The following PRUNE2 variants were observed in gnomAD, a reference collection of about 807,000 sequenced individuals.
The protein encoded by PRUNE2 is protein prune homolog 2.
A neutral mutation model predicts 252.0 loss-of-function variants in PRUNE2; 164 were observed. That is an observed-to-expected ratio of 0.65 (90% CI 0.57 to 0.74). The LOEUF (loss-of-function observed/expected upper bound fraction) is 0.74, where lower values mean the gene tolerates loss of function less well. PRUNE2 is among the 30% of genes least tolerant of loss of function. The pLI is 0.00. For synonymous variants in PRUNE2, 1,292 were observed against 1,350.2 expected (o/e 0.96, Z 0.94); for missense variants, 3,495 against 3,711.0 (o/e 0.94, Z 1.51).
At chr9:76,847,323 C>A (rs2059721272) in intron 3 of PRUNE2, among the ~76,000 whole-genome samples, 2 of 146,108 alleles carry the variant, frequency 1.4e-5, no homozygotes, top group Non-Finnish European at 3.0e-5. Flanking sequence ...GAGAATCTGT[C>A]TCAGGGAAAA....
chr9:76,855,430 T>A (rs1415628936), intron 1 of PRUNE2, among the ~76,000 whole-genome samples: 1 of 150,518 alleles, frequency 6.6e-6, no homozygotes, highest in Non-Finnish European at 1.5e-5. Flanking sequence ...CATGACTATT[T>A]TAATTAAAAA....
chr9:76,652,152 A>G (rs1031851237), intron 11 of PRUNE2: 3 of 200,650 alleles, frequency 1.5e-5, no homozygotes, highest in Middle Eastern at 1.8e-3. Flanking sequence ...TTCAAATTTT[A>G]TCGTCCTGAT....
At chr9:76,825,807 T>C (rs2058313942) in intron 5 of PRUNE2, among the ~76,000 whole-genome samples, 1 of 152,226 alleles carries the variant, frequency 6.6e-6, no homozygotes, top group African/African-American at 2.4e-5. Flanking sequence ...CAGTGAATTA[T>C]AGCCTTTTGT....
In PRUNE2 at chr9:76,705,754, G is replaced by C. The variant is rs753943897; in HGVS notation, c.6520C>G (p.Gln2174Glu). ...TGAGAGGAGCCCTTTATGTCTGCTT[G>C]ATAGCCAATTGGAGGCAGCACAGTT... ...NATVLPPIGY[Q>E]ADIKGSSQPA... The change falls in exon 8 of 19, where the codon CAA (glutamine) becomes GAA (glutamate). Residue 2174 changes from glutamine to glutamate, a missense_variant. Transcript: ENST00000376718. 37 of 1,613,874 alleles carry C rather than the reference G, an allele frequency of 2.3e-5. No individual in the cohort carries two copies. Among genetic ancestry groups the C allele is most frequent in the Non-Finnish European group, 3.1e-5 (37 of 1,179,902 alleles).
intron 16 of PRUNE2, among the ~76,000 whole-genome samples, chr9:76,628,377 T>C (rs1835888745): frequency 6.6e-6 from 1 of 152,174 alleles, no homozygotes; most frequent in Non-Finnish European, 1.5e-5. Flanking sequence ...CCTCACCACC[T>C]CACCCACCAC....
At chr9:76,663,989 A>G (rs182801468) in intron 9 of PRUNE2, among the ~76,000 whole-genome samples, 1 of 152,190 alleles carries the variant, frequency 6.6e-6, no homozygotes, top group East Asian at 1.9e-4. Flanking sequence ...CTAATCCCAC[A>G]TCTTCCTCTA....
intron 6 of PRUNE2, among the ~76,000 whole-genome samples, chr9:76,777,104 A>C (rs73460272): frequency 0.038 from 5,842 of 151,982 alleles, 390 homozygotes; most frequent in African/African-American, 0.13. Flanking sequence ...TTGAGGTTGT[A>C]TATTGCTGAG....
intron 6 of PRUNE2, chr9:76,764,380 T>C (rs2052099038): frequency 6.6e-6 from 1 of 152,264 alleles, no homozygotes; most frequent in Non-Finnish European, 1.5e-5. Context: ...GGGTTGGCAT[T>C]CTTGCATGAT....
chr9:76,876,532 C>G lies in PRUNE2; in HGVS notation c.37-22324G>C, dbSNP rs187081524. ...TTCTCTTTCTTTCCCTTGACCTATT[C>G]CCTCTTTCTGTGCTACTCGGGGCTC... is the stretch of plus-strand genomic sequence containing the variant. On this transcript the variant is annotated intron_variant, in intron 1 of 18. Coordinates refer to ENST00000376718, the MANE Select transcript of PRUNE2 (RefSeq NM_015225.3). 4.6e-5 allele frequency among the ~76,000 whole-genome samples: 7 copies of G among 152,246 alleles called. No homozygotes were observed. The East Asian group carries it at 1.2e-3, about 25-fold the overall frequency.
intron 18 of PRUNE2, among the ~76,000 whole-genome samples, chr9:76,615,596 TAA>T (rs1829075476): frequency 6.6e-6 from 1 of 152,174 alleles, no homozygotes; most frequent in Non-Finnish European, 1.5e-5. Context: ...CCACCTTCTC[TAA>T]GTTTCCATTT....
At chr9:76,731,057 G>C (rs1345993296) in intron 6 of PRUNE2, among the ~76,000 whole-genome samples, 1 of 152,152 alleles carries the variant, frequency 6.6e-6, no homozygotes, top group Non-Finnish European at 1.5e-5. Context: ...ATTTCACACT[G>C]AGAATATGGC....
chr9:76,761,884 G>C (rs2051766697), intron 6 of PRUNE2, among the ~76,000 whole-genome samples: 1 of 152,010 alleles, frequency 6.6e-6, no homozygotes, highest in South Asian at 2.1e-4. Flanking sequence ...TTGGTTATAG[G>C]TACAATTTTT....
At chr9:76,757,658 G>A (rs1834333) in intron 6 of PRUNE2, among the ~76,000 whole-genome samples, 89,964 of 151,950 alleles carry the variant, frequency 0.59, 26,865 homozygotes, top group East Asian at 0.74. Flanking sequence ...GTTTCTTGTG[G>A]AATGGTCAAG....
chr9:76,792,001 G>A (rs2055596193), intron 6 of PRUNE2, among the ~76,000 whole-genome samples: 1 of 152,084 alleles, frequency 6.6e-6, no homozygotes, highest in African/African-American at 2.4e-5. Flanking sequence ...TCCCAAGGAG[G>A]GTCTGAGAAA....
intron 9 of PRUNE2, among the ~76,000 whole-genome samples, chr9:76,690,027 T>C (rs2134419966): frequency 6.6e-6 from 1 of 152,246 alleles, no homozygotes; most frequent in South Asian, 2.1e-4. Flanking sequence ...CCAATGCCCC[T>C]CTTATGGGGC....
At chr9:76,876,912 A>C (rs1235088977) in intron 1 of PRUNE2, among the ~76,000 whole-genome samples, 1 of 152,218 alleles carries the variant, frequency 6.6e-6, no homozygotes, top group Non-Finnish European at 1.5e-5. Flanking sequence ...CACATCTGAA[A>C]GAAAGTTGTC....
At chr9:76,723,326 T>C (rs1039151233) in intron 6 of PRUNE2, among the ~76,000 whole-genome samples, 2 of 152,228 alleles carry the variant, frequency 1.3e-5, no homozygotes, top group Non-Finnish European at 2.9e-5. Context: ...CTTGCTCTGG[T>C]AGCTTAGACA....
At chr9:76,725,572 AATCT>A (rs1264447763) in intron 6 of PRUNE2, among the ~76,000 whole-genome samples, 11 of 152,314 alleles carry the variant, frequency 7.2e-5, no homozygotes, top group Non-Finnish European at 1.2e-4. Context: ...CTAAAAAAAA[AATCT>A]ATCTATCAAG....
intron 7 of PRUNE2, 63 bp from the exon 8 acceptor site, chr9:76,711,421 T>G: frequency 2.0e-6 from 2 of 998,860 alleles, no homozygotes; most frequent in Non-Finnish European, 2.9e-6. Context: ...CAATTGCACT[T>G]TGCAATTTAT....
Sources: allele counts gnomAD v4.1 joint callset (sites outside exome capture counted in the v4.1 genomes callset), GRCh38; gene constraint gnomAD v4.1.1; transcripts MANE v1.5; gene names NCBI Gene and HGNC (gene_info 2026-07-23, HGNC 2026-07-21).